MPDZ: variants seen among roughly 807,000 people sequenced by gnomAD.
MPDZ encodes multiple PDZ domain crumbs cell polarity complex component.
MPDZ carries 234 observed loss-of-function variants against 239.1 expected under a neutral mutation model. The observed-to-expected ratio is 0.98, with a 90% confidence interval of 0.88 to 1.09. The LOEUF (loss-of-function observed/expected upper bound fraction) is 1.09. MPDZ is among the 50% of genes least tolerant of loss of function. The pLI is 0.00. For missense variants in MPDZ, 3,175 were observed against 2,510.0 expected, an observed-to-expected ratio of 1.26 and a Z score of -5.66; for synonymous variants, 1,048 against 881.3, an observed-to-expected ratio of 1.19 and a Z score of -3.35.
chr9:13,190,320 C>CTTA, intron 15 of MPDZ, 21 bp from the exon 16 acceptor site: 11 of 1,494,132 alleles, frequency 7.4e-6, no homozygotes, highest in Non-Finnish European at 9.8e-6. Context: ...TCAGACAGCT[C>CTTA]TTATTTCAGA....
chr9:13,245,631 G>T (rs1304350187), intron 3 of MPDZ, among the ~76,000 whole-genome samples: 2 of 152,128 alleles, frequency 1.3e-5, no homozygotes, highest in Non-Finnish European at 2.9e-5. Context: ...TGTAAGACAT[G>T]TCTCATAGAA....
At chr9:13,212,415 G>C (rs1044221847) in intron 10 of MPDZ, among the ~76,000 whole-genome samples, 18 of 152,016 alleles carry the variant, frequency 1.2e-4, no homozygotes, top group African/African-American at 4.3e-4. Flanking sequence ...ATACTCAGAA[G>C]CTGGTTATTA....
intron 10 of MPDZ, among the ~76,000 whole-genome samples, chr9:13,209,588 G>A (rs772422061): frequency 2.6e-5 from 4 of 152,076 alleles, no homozygotes; most frequent in South Asian, 2.1e-4. Flanking sequence ...GAAATATCAC[G>A]GTCCAAAAGC....
chr9:13,106,939 G>C lies in MPDZ; in HGVS notation c.*26C>G, dbSNP rs774753425. On this transcript the variant is annotated 3_prime_UTR_variant, in exon 47 of 47. Coordinates refer to ENST00000319217, the MANE Select transcript of MPDZ (RefSeq NM_001378778.1). ...TACAGTAGGAGGTGAGCTAGGGGTT[G>C]GGTTGGTTCAATTCTGGCAGCCAAT... is the stretch of plus-strand genomic sequence containing the variant. 20 of 1,611,986 alleles carry C rather than the reference G, an allele frequency of 1.2e-5. No homozygotes were observed. In the Admixed American group the frequency reaches 3.0e-4, roughly 24 times the overall value.
rs746948713 is a variant in MPDZ at position 13,175,846 on chromosome 9, G to A, written c.2961C>T (p.Ser987=). The change falls in exon 21 of 47, where the codon TCC becomes TCT. Residue 987 remains serine, a synonymous_variant. Transcript: ENST00000319217. ...KGSEYLLEQS[S]LACNAECVML... ...TGACACACTCAGCATTACAGGCCAG[G>A]GAGCTCTGTTCAAGCAGGTACTCAG... 3.1e-6 allele frequency: 5 copies of A among 1,593,736 alleles called. No homozygotes were observed. The highest frequency in any genetic ancestry group is 3.4e-6 in the Non-Finnish European group (4 of 1,169,742).
chr9:13,141,742 T>C (rs961381756), intron 27 of MPDZ, among the ~76,000 whole-genome samples: 1 of 152,286 alleles, frequency 6.6e-6, no homozygotes, highest in East Asian at 1.9e-4. Flanking sequence ...GAATGCGACC[T>C]TTCTTTGTTG....
chr9:13,233,596 T>A (rs1963156536), intron 3 of MPDZ, among the ~76,000 whole-genome samples: 1 of 152,112 alleles, frequency 6.6e-6, no homozygotes. Flanking sequence ...ATTTAATTTG[T>A]TAAAAAAATC....
chr9:13,260,719 G>A (rs1358134035), intron 1 of MPDZ, among the ~76,000 whole-genome samples: 3 of 152,164 alleles, frequency 2.0e-5, no homozygotes, highest in African/African-American at 4.8e-5. Flanking sequence ...TGCAAGCACT[G>A]AGGAAAGGCC....
At chr9:13,248,709 T>C (rs1339676585) in intron 2 of MPDZ, among the ~76,000 whole-genome samples, 3 of 151,860 alleles carry the variant, frequency 2.0e-5, no homozygotes, top group Non-Finnish European at 4.4e-5. Flanking sequence ...GGCTCATGTC[T>C]GTAATCCCCG....
Position 13,176,220 on chromosome 9 carries a change from T to G in MPDZ, c.2847A>C (p.Thr949=). The part of the protein sequence containing the change: ...AIEQQYECEN[T]IVWTESHLPS... ...GTAAATGAGATTCAGTCCACACTATTGTGTTTTCACATTCATATTGTTGTT... is the reference window on the plus strand; with the variant it reads ...GTAAATGAGATTCAGTCCACACTATGGTGTTTTCACATTCATATTGTTGTT... Residue 949 remains threonine (T), a synonymous_variant, in exon 20 of 47, where the codon ACA becomes ACC. Coordinates refer to ENST00000319217, the MANE Select transcript of MPDZ (RefSeq NM_001378778.1). The G allele has an allele frequency of 6.2e-7, 1 of 1,604,220 alleles. No homozygotes were observed. Among genetic ancestry groups the G allele is most frequent in the East Asian group, 2.2e-5 (1 of 44,512 alleles).
rs918737218 is a variant in MPDZ, at chr9:13,143,486, G to C, written c.3820C>G (p.Leu1274Val). 1 of 1,612,418 alleles carries C rather than the reference G, an allele frequency of 6.2e-7. No homozygotes were observed. The highest frequency in any genetic ancestry group is 8.5e-7 in the Non-Finnish European group (1 of 1,178,848). The change falls in exon 27 of 47, where the codon CTA becomes GTA. Residue 1274 changes from leucine (L) to valine (V), a missense_variant. Transcript: ENST00000319217. Reference protein sequence around the residue: ...FSSTNPFADSLQINADKAPSQ... With the variant: ...FSSTNPFADSVQINADKAPSQ... ...CCAACCTTGTCGGCGTTGATTTGTA[G>C]AGAGTCAGCAAATGGGTTAGTGCTG...
At chr9:13,179,137 A>G (rs1030576915) in intron 19 of MPDZ, among the ~76,000 whole-genome samples, 1 of 152,148 alleles carries the variant, frequency 6.6e-6, no homozygotes, top group Non-Finnish European at 1.5e-5. Flanking sequence ...TGGAAATATC[A>G]TATAAGCAAT....
chr9:13,250,431 T>C, intron 1 of MPDZ, 59 bp from the exon 2 acceptor site: 1 of 911,246 alleles, frequency 1.1e-6, no homozygotes, highest in Non-Finnish European at 1.7e-6. Flanking sequence ...TCTAAAGCTA[T>C]ATACTCTGAA....
chr9:13,148,558 T>TA (rs1391944387), intron 25 of MPDZ, among the ~76,000 whole-genome samples: 1 of 152,044 alleles, frequency 6.6e-6, no homozygotes, highest in Non-Finnish European at 1.5e-5. Flanking sequence ...GGTTGATACT[T>TA]AGATGACAAT....
At chr9:13,110,310 G>C (rs555635482) in intron 44 of MPDZ, among the ~76,000 whole-genome samples, 1 of 152,068 alleles carries the variant, frequency 6.6e-6, no homozygotes, top group Admixed American at 6.6e-5. Context: ...TTAAAATGTG[G>C]TCTCATATGT....
intron 21 of MPDZ, among the ~76,000 whole-genome samples, chr9:13,172,434 G>C (rs1320185857): frequency 1.3e-5 from 2 of 150,996 alleles, no homozygotes; most frequent in Non-Finnish European, 2.9e-5. Context: ...CTAGGCTGGA[G>C]TGTAGTGGCA....
intron 24 of MPDZ, among the ~76,000 whole-genome samples, chr9:13,151,904 A>G (rs535882913): frequency 3.9e-5 from 6 of 152,192 alleles, no homozygotes; most frequent in African/African-American, 1.4e-4. Flanking sequence ...AAACAAAGAT[A>G]GTTTAAAATA....
chr9:13,148,884 G>A (rs1248264924), intron 25 of MPDZ, among the ~76,000 whole-genome samples: 5 of 151,358 alleles, frequency 3.3e-5, no homozygotes, highest in Non-Finnish European at 5.9e-5. Context: ...ATTTTAAAAC[G>A]CACAAAAAAG....
At chr9:13,247,835 A>G (rs1233008486) in intron 2 of MPDZ, 34 bp from the exon 3 acceptor site, 6 of 1,564,918 alleles carry the variant, frequency 3.8e-6, no homozygotes, top group Non-Finnish European at 5.2e-6. Context: ...CAATAACAGG[A>G]TTCAAAGGAC....
Sources: gnomAD v4.1 joint callset for allele counts (sites outside exome capture counted in the v4.1 genomes callset) on GRCh38, gnomAD v4.1.1 for gene constraint, MANE v1.5 for transcripts, NCBI Gene and HGNC (gene_info 2026-07-23, HGNC 2026-07-21) for gene names.